The following MTMR3 variants were observed in gnomAD, a reference collection of about 807,000 sequenced individuals.
The protein encoded by MTMR3 is phosphatidylinositol-3,5-bisphosphate 3-phosphatase MTMR3.
MTMR3 carries 32 observed loss-of-function variants against 132.4 expected under a neutral mutation model. The observed-to-expected ratio is 0.24, with a 90% confidence interval of 0.18 to 0.32. MTMR3 has a LOEUF of 0.32. MTMR3 is among the 10% of genes least tolerant of loss of function. The pLI, the probability that MTMR3 is intolerant of heterozygous loss-of-function variation, is 1.00. For missense variants in MTMR3, 1,216 were observed against 1,489.6 expected (o/e 0.82, Z 3.02); for synonymous variants, 556 against 550.3 (o/e 1.01, Z -0.14).
intron 6 of MTMR3, chr22:29,989,206 A>G (rs1317478074): frequency 1.3e-5 from 2 of 152,372 alleles, no homozygotes; most frequent in Non-Finnish European, 2.9e-5. Context: ...GCCTTCTTTA[A>G]TCTGGAACAT....
Position 30,020,276 on chromosome 22 carries a change from A to G in MTMR3, c.2617A>G (p.Lys873Glu). ...TAGATCTTGCCTTGTAAATAGTGGC[A>G]AGGACAGGCTTCCTCAGACCATGGA... ...HHRSCLVNSG[K>E]DRLPQTMEPS... Residue 873 changes from lysine to glutamate, a missense_variant, in exon 17 of 20, where the codon AAG becomes GAG. Coordinates refer to ENST00000401950, the MANE Select transcript of MTMR3 (RefSeq NM_021090.4). The G allele has an allele frequency of 6.2e-7, 1 of 1,614,226 alleles. No homozygotes were observed. The highest frequency in any genetic ancestry group is 8.5e-7 in the Non-Finnish European group (1 of 1,180,048).
intron 1 of MTMR3, among the ~76,000 whole-genome samples, chr22:29,936,433 C>A (rs144805909): frequency 1.3e-5 from 2 of 152,182 alleles, no homozygotes; most frequent in African/African-American, 4.8e-5. Context: ...TAATGCAGGG[C>A]AAGTAGACTT....
At chr22:29,968,872 G>C (rs2066479498) in intron 2 of MTMR3, among the ~76,000 whole-genome samples, 1 of 152,236 alleles carries the variant, frequency 6.6e-6, no homozygotes, top group Admixed American at 6.5e-5. Flanking sequence ...GGTTTGAAGA[G>C]TGGTTAAGAA....
intron 17 of MTMR3, chr22:30,021,085 C>T (rs2078451730): frequency 4.9e-6 from 3 of 609,712 alleles, no homozygotes; most frequent in Non-Finnish European, 8.6e-6. Context: ...CGCTTACTTT[C>T]TGCAGATGTC....
chr22:29,935,668 T>A (rs1005263929), intron 1 of MTMR3, among the ~76,000 whole-genome samples: 3 of 151,776 alleles, frequency 2.0e-5, no homozygotes, highest in Admixed American at 2.0e-4. Flanking sequence ...TCCTCAGTTA[T>A]GACTTTTACA....
chr22:30,008,325 T>A, intron 11 of MTMR3: 1 of 263,302 alleles, frequency 3.8e-6, no homozygotes, highest in Non-Finnish European at 7.3e-6. Context: ...TGGAAGCTGC[T>A]GCTTTAGTGG....
In MTMR3 at chr22:30,016,698, C is replaced by A. The variant is rs1045389809; in HGVS notation, c.1674C>A (p.Ala558=). 6.2e-7 allele frequency: 1 copy of A among 1,610,440 alleles called. No homozygotes were observed. The part of the protein sequence containing the change: ...KNLLYSSQSE[A]VLYPVCHVRN... ...TACTGTATTCCTCTCAGTCAGAAGC[C>A]GTATGTATCCTTCAGCCTTTCCACT... The change falls in exon 15 of 20, where the codon GCC becomes GCA. Residue 558 remains alanine, a splice_region_variant and synonymous_variant. Transcript: ENST00000401950.
chr22:29,945,234 G>C (rs1364932255), intron 1 of MTMR3, among the ~76,000 whole-genome samples: 1 of 152,128 alleles, frequency 6.6e-6, no homozygotes, highest in African/African-American at 2.4e-5. Flanking sequence ...CGAACTCCTA[G>C]GCTCCAGCAG....
chr22:29,968,344 TTGAA>T (rs1389654030), intron 2 of MTMR3, among the ~76,000 whole-genome samples: 2 of 152,232 alleles, frequency 1.3e-5, no homozygotes, highest in Non-Finnish European at 2.9e-5. Flanking sequence ...ATACAGCAGT[TTGAA>T]TGTGTCAATG....
At chr22:30,003,075 C>T (rs1601404399) in intron 9 of MTMR3, 82 bp downstream of exon 9, 1 of 1,128,138 alleles carries the variant, frequency 8.9e-7, no homozygotes, top group Non-Finnish European at 1.3e-6. Flanking sequence ...TGCTGCTAAC[C>T]TGGGAAGGGT....
chr22:29,933,025 G>A (rs1159152078), intron 1 of MTMR3, among the ~76,000 whole-genome samples: 1 of 152,118 alleles, frequency 6.6e-6, no homozygotes, highest in Non-Finnish European at 1.5e-5. Context: ...CTGGAGTGCA[G>A]TGGTGCGATC....
chr22:29,898,945 G>A (rs1357115327), intron 1 of MTMR3, among the ~76,000 whole-genome samples: 2 of 146,110 alleles, frequency 1.4e-5, no homozygotes, highest in African/African-American at 2.5e-5. Flanking sequence ...GTAAGTAGTA[G>A]TAATCCATAG....
chr22:29,902,409 T>G (rs1025236967), intron 1 of MTMR3, among the ~76,000 whole-genome samples: 33 of 149,900 alleles, frequency 2.2e-4, no homozygotes, highest in African/African-American at 7.8e-4. Context: ...TATGAAAGTT[T>G]TTTTTTTTTT....
intron 1 of MTMR3, among the ~76,000 whole-genome samples, chr22:29,896,585 C>T (rs2064900872): frequency 6.6e-6 from 1 of 151,998 alleles, no homozygotes; most frequent in African/African-American, 2.4e-5. Context: ...GAGTTGTCTC[C>T]ACTGCTTCAC....
chr22:30,019,783 C>T lies in MTMR3; in HGVS notation c.2124C>T (p.His708=). The part of the protein sequence containing the change: ...KEESGVEEPA[H]RAGIEIQEGK... ...AGAGTGGAGTAGAGGAACCTGCCCA[C>T]AGGGCAGGCATTGAGATACAGGAGG... Residue 708 remains histidine, a synonymous_variant, in exon 17 of 20, where the codon CAC becomes CAT. Transcript: ENST00000401950. 3 of 1,614,186 alleles carry T rather than the reference C, an allele frequency of 1.9e-6. No homozygotes were observed. The highest frequency in any genetic ancestry group is 2.5e-6 in the Non-Finnish European group (3 of 1,180,034).
rs1197682196 is a variant in MTMR3 at position 30,029,546 on chromosome 22, C to G, written c.*3745C>G. The G allele has an allele frequency of 1.3e-5, 2 of 152,320 alleles. No individual in the cohort carries two copies. Among genetic ancestry groups the G allele is most frequent in the Non-Finnish European group, 2.9e-5 (2 of 68,042 alleles). The allele number at this position is 152,320 out of a possible 1,614,324, so 9.4% of individuals were successfully genotyped here. A position where few individuals can be genotyped will look rare whatever the true frequency, so the allele number is the denominator to read the frequency against. ...ATCAAGATGAGAATTAAAGGCATATCCTGATATACTTGCCTGCTTGCACAT... is the reference window on the plus strand; with the variant it reads ...ATCAAGATGAGAATTAAAGGCATATGCTGATATACTTGCCTGCTTGCACAT... On this transcript the variant is annotated 3_prime_UTR_variant, in exon 20 of 20. Coordinates refer to ENST00000401950, the MANE Select transcript of MTMR3 (RefSeq NM_021090.4).
At chr22:29,952,969 C>T (rs541426970) in intron 1 of MTMR3, among the ~76,000 whole-genome samples, 2 of 152,238 alleles carry the variant, frequency 1.3e-5, no homozygotes, top group East Asian at 1.9e-4. Flanking sequence ...AAAATTGTGG[C>T]GGTTGTAAAT....
Position 29,988,367 on chromosome 22 carries a change from A to G in MTMR3, c.211-113A>G, listed in dbSNP as rs142350531. The G allele has an allele frequency of 1.5e-3, 968 of 651,628 alleles. 8 individuals carry two copies. In the African/African-American group the frequency reaches 0.015, roughly 10 times the overall value. The allele number at this position is 651,628 out of a possible 1,614,324, so 40.4% of individuals were successfully genotyped here. On this transcript the variant is annotated intron_variant, in intron 5 of 19. Coordinates refer to ENST00000401950, the MANE Select transcript of MTMR3 (RefSeq NM_021090.4). Reference sequence around the variant, plus strand: ...TTGATCCAGATAAGTTTGCAGTTCTATTTTTGTTGCTTTCCCTTATAGATC... The same window carrying G: ...TTGATCCAGATAAGTTTGCAGTTCTGTTTTTGTTGCTTTCCCTTATAGATC...
chr22:29,940,192 C>T (rs750231690), intron 1 of MTMR3, among the ~76,000 whole-genome samples: 7 of 152,052 alleles, frequency 4.6e-5, no homozygotes, highest in African/African-American at 1.4e-4. Context: ...GGCGTGAACC[C>T]GGGAGGCGGA....
Sources: gnomAD v4.1 joint callset for allele counts (sites outside exome capture counted in the v4.1 genomes callset) on GRCh38, gnomAD v4.1.1 for gene constraint, MANE v1.5 for transcripts, NCBI Gene and HGNC (gene_info 2026-07-23, HGNC 2026-07-21) for gene names.